The following ATP2B2 variants were observed in gnomAD, a reference collection of about 807,000 sequenced individuals.
ATP2B2 encodes plasma membrane calcium-transporting ATPase 2.
ATP2B2 carries 15 observed loss-of-function variants against 120.0 expected under a neutral mutation model. That is an observed-to-expected ratio of 0.12 (90% CI 0.08 to 0.19). ATP2B2 has a LOEUF of 0.19. Among genes scored for constraint, ATP2B2 ranks in the 10% least tolerant of loss-of-function variants. The pLI is 1.00. For synonymous variants in ATP2B2, 694 were observed against 700.3 expected (o/e 0.99, Z 0.14); for missense variants, 1,045 against 1,719.8 (o/e 0.61, Z 6.94).
At chr3:10,469,383 C>T (rs868053396) in intron 1 of ATP2B2, among the ~76,000 whole-genome samples, 5 of 152,176 alleles carry the variant, frequency 3.3e-5, no homozygotes, top group African/African-American at 7.2e-5. Context: ...CAGAACACAG[C>T]GGAGCTGGGA....
chr3:10,359,740 G>A, intron 13 of ATP2B2, 142 bp downstream of exon 13: 2 of 1,215,620 alleles, frequency 1.6e-6, no homozygotes, highest in Non-Finnish European at 1.2e-6. Context: ...GCCCTCTGTG[G>A]CTCTGGGTGC....
chr3:10,528,737 T>C (rs2067150149), intron 3 of ATP2B2, among the ~76,000 whole-genome samples: 1 of 152,264 alleles, frequency 6.6e-6, no homozygotes, highest in African/African-American at 2.4e-5. Context: ...AGAACATCTA[T>C]GCTGCAAACA....
At chr3:10,410,885 G>T in intron 2 of ATP2B2, 70 bp from the exon 3 acceptor site, 1 of 1,548,588 alleles carries the variant, frequency 6.5e-7, no homozygotes, top group Non-Finnish European at 8.8e-7. Context: ...GGAATCTAGG[G>T]GCAGAAAAGG....
At chr3:10,523,007 C>T (rs535655768) in intron 3 of ATP2B2, among the ~76,000 whole-genome samples, 60 of 152,332 alleles carry the variant, frequency 3.9e-4, no homozygotes, top group African/African-American at 1.3e-3. Flanking sequence ...CTGATAGATG[C>T]ACTGGACTCT....
chr3:10,395,480 G>T (rs564155928), intron 5 of ATP2B2, among the ~76,000 whole-genome samples: 61 of 152,326 alleles, frequency 4.0e-4, no homozygotes, highest in African/African-American at 1.4e-3. Flanking sequence ...AGTGTCTAGC[G>T]GGAGAAGGCC....
chr3:10,387,019 G>T (rs939842911), intron 6 of ATP2B2, among the ~76,000 whole-genome samples: 5 of 152,180 alleles, frequency 3.3e-5, no homozygotes, highest in African/African-American at 7.2e-5. Context: ...CCTCAGTGAG[G>T]TGAAGACAAT....
intron 12 of ATP2B2, among the ~76,000 whole-genome samples, chr3:10,360,570 A>G (rs2060868742): frequency 6.6e-6 from 1 of 152,232 alleles, no homozygotes; most frequent in Non-Finnish European, 1.5e-5. Flanking sequence ...ATTTAGCATT[A>G]ATCATTACCA....
intron 1 of ATP2B2, among the ~76,000 whole-genome samples, chr3:10,498,663 C>A (rs956842050): frequency 5.3e-5 from 8 of 152,222 alleles, no homozygotes; most frequent in African/African-American, 1.9e-4. Flanking sequence ...AGGAAAGGCA[C>A]CACTTTATAG....
At chr3:10,481,107 G>T (rs2065393910) in intron 1 of ATP2B2, among the ~76,000 whole-genome samples, 1 of 152,252 alleles carries the variant, frequency 6.6e-6, no homozygotes, top group African/African-American at 2.4e-5. Context: ...AGATAACACA[G>T]AGGCAAGCAG....
At chr3:10,568,317 A>G (rs2125540492) in intron 2 of ATP2B2, among the ~76,000 whole-genome samples, 1 of 152,340 alleles carries the variant, frequency 6.6e-6, no homozygotes, top group East Asian at 1.9e-4. Context: ...TCCACCCTCC[A>G]CAACCATACA....
chr3:10,537,770 T>C (rs950126579), intron 2 of ATP2B2, among the ~76,000 whole-genome samples: 2 of 152,220 alleles, frequency 1.3e-5, no homozygotes, highest in African/African-American at 4.8e-5. Flanking sequence ...GGGGAAAGCA[T>C]TCAGTAAGTA....
At chr3:10,594,263 C>A (rs1317097460) in intron 2 of ATP2B2, among the ~76,000 whole-genome samples, 1 of 152,198 alleles carries the variant, frequency 6.6e-6, no homozygotes, top group Non-Finnish European at 1.5e-5. Flanking sequence ...AAGACACATG[C>A]ACACTTACAT....
In ATP2B2 at chr3:10,388,282, T is replaced by C. The variant is rs753177348; in HGVS notation, c.902A>G (p.Lys301Arg). Residue 301 changes from lysine (K) to arginine (R), a missense_variant, in exon 6 of 23, where the codon AAA (lysine) becomes AGA (arginine). Lys to Arg is a conservative substitution (Grantham distance 26). Transcript: ENST00000360273. Reference sequence around the variant, plus strand: ...TGCAAGGGGATTAGGCTTACCTTTTTTGTCTTTCTTCTCTTCCTCTTCACC... The same window carrying C: ...TGCAAGGGGATTAGGCTTACCTTTTCTGTCTTTCTTCTCTTCCTCTTCACC... Reference protein sequence around the residue: ...AGGEEEEKKDKKGVKKGDGLQ... With the variant: ...AGGEEEEKKDRKGVKKGDGLQ... The C allele has an allele frequency of 6.2e-7, 1 of 1,614,194 alleles. No individual in the cohort carries two copies.
rs34189325 is a variant in ATP2B2, at chr3:10,490,400, CT to C, written c.-320+15064del. 9.1e-3 allele frequency among the ~76,000 whole-genome samples: 1,238 copies of C among 136,780 alleles called. 7 individuals are homozygous for C. The highest frequency in any genetic ancestry group is 0.013 in the Non-Finnish European group (812 of 64,706). 89.7% of individuals were successfully genotyped at this position (136,780 alleles called of 152,430 possible). On this transcript the variant is annotated intron_variant, in intron 1 of 22. Coordinates refer to ENST00000360273, the MANE Select transcript of ATP2B2 (RefSeq NM_001001331.4). The stretch of plus-strand genomic sequence containing the variant: ...ACAATACATGTCAGTCCACGGCATT[CT>C]TTTTTTTTTTTTTTTTCTCTGAGAT...
chr3:10,342,024 G>A lies in ATP2B2; in HGVS notation c.2917+728C>T, dbSNP rs952966532. ...TGGCCCTGATTCCATGTGGGACTGC[G>A]GGCCAGACCCTTCCCCTCTCTGGGC... On this transcript the variant is annotated intron_variant, in intron 19 of 22. Transcript: ENST00000360273. This position sits in a 1 kb window ranked among gnomAD's most constrained non-coding sequence, Gnocchi z 4.4. Among the ~76,000 whole-genome samples the A allele has an allele frequency of 9.9e-5, 15 of 152,224 alleles. No homozygotes were observed. Among genetic ancestry groups the A allele is most frequent in the Non-Finnish European group, 1.3e-4 (9 of 68,046 alleles).
At chr3:10,372,237 G>A (rs56252495) in intron 11 of ATP2B2, among the ~76,000 whole-genome samples, 186 bp from the exon 12 acceptor site, 11 of 152,044 alleles carry the variant, frequency 7.2e-5, no homozygotes, top group African/African-American at 1.2e-4. Flanking sequence ...TTTTGTCTGC[G>A]CGTGGCCCTT....
chr3:10,519,146 C>T (rs1186641628), intron 3 of ATP2B2, among the ~76,000 whole-genome samples: 1 of 152,142 alleles, frequency 6.6e-6, no homozygotes, highest in Non-Finnish European at 1.5e-5. Flanking sequence ...GGCAGCTTGC[C>T]CAAGGTCAAA....
chr3:10,331,881 G>C, intron 22 of ATP2B2: 2 of 1,174,766 alleles, frequency 1.7e-6, no homozygotes, highest in Non-Finnish European at 2.4e-6. Context: ...GCCCTGGTCT[G>C]AGATGGGTTC....
intron 2 of ATP2B2, among the ~76,000 whole-genome samples, chr3:10,447,232 T>C (rs929156794): frequency 2.0e-5 from 3 of 152,192 alleles, no homozygotes; most frequent in Non-Finnish European, 4.4e-5. Context: ...AGGCATGAGG[T>C]TGGGCATGGG....
Sources: gnomAD v4.1 joint callset for allele counts (sites outside exome capture counted in the v4.1 genomes callset) on GRCh38, gnomAD v4.1.1 for gene constraint, Gnocchi (gnomAD v3.1) non-coding constraint, MANE v1.5 for transcripts, NCBI Gene and HGNC (gene_info 2026-07-23, HGNC 2026-07-21) for gene names.